The following LIN7A variants were observed in gnomAD, a reference collection of about 807,000 sequenced individuals.
LIN7A encodes the protein lin-7 cell polarity scaffold A.
LIN7A carries 25 observed loss-of-function variants against 29.8 expected under a neutral mutation model. That is an observed-to-expected ratio of 0.84 (90% CI 0.61 to 1.17). The LOEUF (loss-of-function observed/expected upper bound fraction) is 1.17, where lower values mean the gene tolerates loss of function less well. Ranked by LOEUF, LIN7A falls within the 50% of genes most tolerant of loss-of-function variation. LIN7A has a pLI of 0.00. For synonymous variants in LIN7A, 118 were observed against 107.5 expected (o/e 1.10, Z -0.60); for missense variants, 239 against 287.0 (o/e 0.83, Z 1.21).
intron 4 of LIN7A, among the ~76,000 whole-genome samples, chr12:80,830,435 G>A (rs1297685089): frequency 6.6e-6 from 1 of 152,100 alleles, no homozygotes; most frequent in Non-Finnish European, 1.5e-5. Context: ...AAAGGGCCCA[G>A]TGCATTTAGA....
intron 1 of LIN7A, among the ~76,000 whole-genome samples, chr12:80,889,659 T>C (rs1489895936): frequency 1.3e-5 from 2 of 152,206 alleles, no homozygotes; most frequent in African/African-American, 2.4e-5. Context: ...ATGTCTATTA[T>C]TTATTCTGAT....
intron 1 of LIN7A, 55 bp from the exon 2 acceptor site, chr12:80,889,424 C>T (rs1875511968): frequency 9.4e-7 from 1 of 1,061,270 alleles, no homozygotes; most frequent in Admixed American, 1.8e-5. Flanking sequence ...ATCTCATCAG[C>T]TGAAAGTACT....
chr12:80,816,241 C>T (rs1380353006), intron 4 of LIN7A, among the ~76,000 whole-genome samples: 2 of 152,066 alleles, frequency 1.3e-5, no homozygotes, highest in African/African-American at 4.8e-5. Context: ...CCCATCTCTA[C>T]AAAGAATTTT....
intron 3 of LIN7A, among the ~76,000 whole-genome samples, chr12:80,847,047 T>C (rs1454994424): frequency 6.6e-6 from 1 of 152,222 alleles, no homozygotes; most frequent in Non-Finnish European, 1.5e-5. Flanking sequence ...TGAAAGATAG[T>C]GAATGACATG....
chr12:80,836,426 G>A (rs933195326), intron 4 of LIN7A, among the ~76,000 whole-genome samples: 2 of 152,300 alleles, frequency 1.3e-5, no homozygotes, highest in Non-Finnish European at 2.9e-5. Context: ...GAAGGCCAAG[G>A]CTGGTGGATT....
In LIN7A at chr12:80,841,940, A is replaced by T. The variant is rs914516463; in HGVS notation, c.483+3790T>A. ...ATTCAGTTGTAAGGTTTCACTGAGGATTGATATAAGAAGTAGCCATACACC... is the reference window on the plus strand; with the variant it reads ...ATTCAGTTGTAAGGTTTCACTGAGGTTTGATATAAGAAGTAGCCATACACC... On this transcript the variant is annotated intron_variant, in intron 4 of 5. Coordinates refer to ENST00000552864, the MANE Select transcript of LIN7A (RefSeq NM_004664.4). The T allele has an allele frequency of 2.5e-5, 27 of 1,071,990 alleles. No homozygotes were observed. The South Asian group carries it at 5.7e-4, about 23-fold the overall frequency. The allele number at this position is 1,071,990 out of a possible 1,614,324, so 66.4% of individuals were successfully genotyped here. A position where few individuals can be genotyped will look rare whatever the true frequency, so the allele number is the denominator to read the frequency against.
At chr12:80,844,188 T>G (rs1389066839) in intron 4 of LIN7A, among the ~76,000 whole-genome samples, 1 of 152,126 alleles carries the variant, frequency 6.6e-6, no homozygotes, top group Non-Finnish European at 1.5e-5. Flanking sequence ...AAAGTTAGAC[T>G]CTGAAATTAT....
At chr12:80,840,548 A>G (rs1592882763) in intron 4 of LIN7A, among the ~76,000 whole-genome samples, 1 of 152,352 alleles carries the variant, frequency 6.6e-6, no homozygotes, top group East Asian at 1.9e-4. Context: ...TTTCTGAGGA[A>G]CAAATGAGAG....
At chr12:80,858,665 G>A (rs369075557) in intron 2 of LIN7A, among the ~76,000 whole-genome samples, 3 of 152,078 alleles carry the variant, frequency 2.0e-5, no homozygotes, top group African/African-American at 7.2e-5. Context: ...ACCATTCAAA[G>A]TGACTGAATT....
intron 4 of LIN7A, among the ~76,000 whole-genome samples, chr12:80,820,346 G>A (rs751113612): frequency 6.0e-4 from 92 of 152,256 alleles, no homozygotes; most frequent in Non-Finnish European, 1.0e-3. Flanking sequence ...AGAATTTTTG[G>A]ACCATGAAAG....
rs191615564 is a variant in LIN7A, at chr12:80,813,336, G to T, written c.484-1653C>A. On this transcript the variant is annotated intron_variant, in intron 4 of 5. Transcript: ENST00000552864. ...AATATTTCATTTTTAACTTAAAAAT[G>T]ATAAATATATATTTTAAAATTTGGT... Among the ~76,000 whole-genome samples, 10 of 152,222 alleles carry T rather than the reference G, an allele frequency of 6.6e-5. No individual in the cohort carries two copies. In the Middle Eastern group the frequency reaches 0.01, roughly 156 times the overall value.
At chr12:80,843,203 C>T (rs1348143623) in intron 4 of LIN7A, among the ~76,000 whole-genome samples, 1 of 152,132 alleles carries the variant, frequency 6.6e-6, no homozygotes, top group East Asian at 1.9e-4. Flanking sequence ...AGACATTCCT[C>T]ACCTTTGCAT....
intron 2 of LIN7A, among the ~76,000 whole-genome samples, chr12:80,886,165 A>T (rs930544988): frequency 2.0e-5 from 3 of 151,386 alleles, no homozygotes; most frequent in Admixed American, 1.3e-4. Flanking sequence ...AACCACAAAG[A>T]TTCTGAGCAT....
intron 2 of LIN7A, among the ~76,000 whole-genome samples, chr12:80,870,053 T>C (rs765228247): frequency 2.0e-5 from 3 of 152,174 alleles, no homozygotes; most frequent in Non-Finnish European, 2.9e-5. Context: ...AGAAAAAACT[T>C]GCCAGTTGCA....
intron 4 of LIN7A, among the ~76,000 whole-genome samples, chr12:80,845,273 C>T (rs905228336): frequency 6.6e-6 from 1 of 151,366 alleles, no homozygotes; most frequent in Admixed American, 6.6e-5. Flanking sequence ...AGTGCATTAG[C>T]CTTTTTCATA....
chr12:80,898,704 C>T (rs1876039361), intron 1 of LIN7A, among the ~76,000 whole-genome samples: 1 of 152,034 alleles, frequency 6.6e-6, no homozygotes, highest in African/African-American at 2.4e-5. Context: ...TTTTGCCTCC[C>T]TAGTTAGCTG....
chr12:80,935,916 A>G (rs1025354299), intron 1 of LIN7A: 23 of 308,048 alleles, frequency 7.5e-5, no homozygotes, highest in African/African-American at 4.6e-4. Flanking sequence ...GGTAAAACCC[A>G]ACATTGAAAT....
At chr12:80,861,436 C>A in intron 2 of LIN7A, 2 of 155,874 alleles carry the variant, frequency 1.3e-5, no homozygotes, top group South Asian at 3.8e-4. Flanking sequence ...GTGACGGGGT[C>A]ACTCATGTAA....
chr12:80,925,066 T>C (rs1373395090), intron 1 of LIN7A, among the ~76,000 whole-genome samples: 1 of 152,124 alleles, frequency 6.6e-6, no homozygotes, highest in Non-Finnish European at 1.5e-5. Flanking sequence ...TCTAAAACTA[T>C]GCAATATTTG....
Sources: gnomAD v4.1 joint callset for allele counts (sites outside exome capture counted in the v4.1 genomes callset) on GRCh38, gnomAD v4.1.1 for gene constraint, MANE v1.5 for transcripts, NCBI Gene and HGNC (gene_info 2026-07-23, HGNC 2026-07-21) for gene names.